Variants in NNT observed in about 807,000 individuals in gnomAD.
NNT encodes nicotinamide nucleotide transhydrogenase, also known as NAD(P) transhydrogenase, mitochondrial.
Under a neutral mutation model 104.8 loss-of-function variants are expected in NNT, and 50 were observed. The ratio of observed to expected loss-of-function variants is 0.48; its 90% CI spans 0.38 to 0.60. The LOEUF (loss-of-function observed/expected upper bound fraction) is 0.60, where lower values mean the gene tolerates loss of function less well. Ranked by LOEUF, NNT falls within the 20% of genes least tolerant of loss-of-function variation. NNT has a pLI of 0.00. For synonymous variants in NNT, 461 were observed against 490.4 expected (o/e 0.94, Z 0.79); for missense variants, 1,131 against 1,330.7 (o/e 0.85, Z 2.33).
chr5:43,659,391 C>T (rs1273977039), intron 17 of NNT, 41 bp downstream of exon 17: 2 of 1,497,876 alleles, frequency 1.3e-6, no homozygotes, highest in Admixed American at 2.0e-5. Context: ...GAAATGGCTT[C>T]CTGAAAACAT....
intron 17 of NNT, among the ~76,000 whole-genome samples, chr5:43,674,289 A>G (rs973047921): frequency 2.6e-5 from 4 of 152,008 alleles, no homozygotes; most frequent in African/African-American, 7.2e-5. Flanking sequence ...TCTTCTGTGT[A>G]CCTTTTCCTC....
chr5:43,646,105 T>C (rs1739412130), intron 10 of NNT, among the ~76,000 whole-genome samples: 1 of 152,168 alleles, frequency 6.6e-6, no homozygotes, highest in Non-Finnish European at 1.5e-5. Context: ...GACTTGGTTT[T>C]TCAGCAACAT....
intron 7 of NNT, among the ~76,000 whole-genome samples, chr5:43,640,808 CAT>C (rs1561282472): frequency 3.3e-5 from 5 of 150,426 alleles, no homozygotes; most frequent in Non-Finnish European, 7.4e-5. Flanking sequence ...ATACATTTTT[CAT>C]ATATATCATA....
At chr5:43,617,232 A>T (rs573509010) in intron 4 of NNT, among the ~76,000 whole-genome samples, 1 of 152,370 alleles carries the variant, frequency 6.6e-6, no homozygotes, top group East Asian at 1.9e-4. Flanking sequence ...TATCAAAACC[A>T]GTCGCTCTAG....
intron 10 of NNT, among the ~76,000 whole-genome samples, chr5:43,646,114 A>G (rs1440365997): frequency 1.3e-5 from 2 of 152,122 alleles, no homozygotes; most frequent in African/African-American, 4.8e-5. Context: ...TTTCAGCAAC[A>G]TGTTACTTGT....
At chr5:43,605,564 T>C (rs1728356338) in intron 1 of NNT, among the ~76,000 whole-genome samples, 2 of 151,460 alleles carry the variant, frequency 1.3e-5, no homozygotes, top group South Asian at 2.1e-4. Flanking sequence ...TGTGCTTTTT[T>C]CCCCTAATTT....
chr5:43,607,453 C>T (rs1424137106), intron 1 of NNT, among the ~76,000 whole-genome samples: 1 of 152,132 alleles, frequency 6.6e-6, no homozygotes, highest in African/African-American at 2.4e-5. Context: ...TAATTTTCCA[C>T]CACCTACCCA....
chr5:43,678,712 CCAGT>C (rs1741551985), intron 19 of NNT, among the ~76,000 whole-genome samples: 2 of 152,116 alleles, frequency 1.3e-5, no homozygotes, highest in Admixed American at 1.3e-4. Flanking sequence ...GCTGAGTTAG[CCAGT>C]CAGAGTACTT....
chr5:43,672,558 C>T (rs182881587), intron 17 of NNT, among the ~76,000 whole-genome samples: 9 of 152,268 alleles, frequency 5.9e-5, no homozygotes, highest in African/African-American at 1.9e-4. Context: ...CACTCCAGAC[C>T]GTGTTTGCCT....
At chr5:43,662,721 T>G (rs1268252657) in intron 17 of NNT, among the ~76,000 whole-genome samples, 1 of 152,030 alleles carries the variant, frequency 6.6e-6, no homozygotes, top group East Asian at 1.9e-4. Flanking sequence ...GATAAAACCC[T>G]GTCTCTACAA....
At chr5:43,611,799 C>G (rs1749511037) in intron 2 of NNT, among the ~76,000 whole-genome samples, 1 of 152,122 alleles carries the variant, frequency 6.6e-6, no homozygotes, top group Non-Finnish European at 1.5e-5. Context: ...TATATAGAAA[C>G]AGATACTCTT....
chr5:43,632,745 C>G (rs1750742664), intron 7 of NNT, among the ~76,000 whole-genome samples: 1 of 152,138 alleles, frequency 6.6e-6, no homozygotes, highest in Non-Finnish European at 1.5e-5. Flanking sequence ...GTAAGGCAGC[C>G]CTGCTGTCTG....
intron 5 of NNT, among the ~76,000 whole-genome samples, chr5:43,622,865 G>GTTT (rs36088911): frequency 3.6e-5 from 5 of 138,524 alleles, no homozygotes; most frequent in African/African-American, 1.1e-4. Flanking sequence ...TTAAATTATG[G>GTTT]TTTTTTTTTT....
chr5:43,675,723 A>G, intron 18 of NNT, 53 bp downstream of exon 18: 1 of 1,305,170 alleles, frequency 7.7e-7, no homozygotes, highest in South Asian at 2.2e-5. Context: ...ATAATTGATG[A>G]CATTAAAATT....
Position 43,644,259 on chromosome 5 carries a change from G to C in NNT, c.1032G>C (p.Val344=). The part of the protein sequence containing the change: ...IESMKEGSVV[V]DLAAEAGGNF... ...CAATGAAGGAAGGTTCAGTTGTTGT[G>C]GATTTAGCTGCTGAGGCTGGTGGAA... is the stretch of plus-strand genomic sequence containing the variant. The change falls in exon 8 of 22, where the codon GTG becomes GTC. Residue 344 remains valine (V), a synonymous_variant. Transcript: ENST00000344920. The C allele has an allele frequency of 6.2e-7, 1 of 1,613,826 alleles. No individual in the cohort carries two copies. The highest frequency in any genetic ancestry group is 8.5e-7 in the Non-Finnish European group (1 of 1,179,902).
chr5:43,638,992 C>A (rs1300844223), intron 7 of NNT, among the ~76,000 whole-genome samples: 1 of 151,970 alleles, frequency 6.6e-6, no homozygotes, highest in Non-Finnish European at 1.5e-5. Flanking sequence ...CAAAAAGATA[C>A]AATATATTAC....
intron 19 of NNT, among the ~76,000 whole-genome samples, chr5:43,680,361 TA>T (rs2112125366): frequency 6.6e-6 from 1 of 152,242 alleles, no homozygotes; most frequent in African/African-American, 2.4e-5. Context: ...AATCTGTATT[TA>T]CAGTTTGCAG....
In NNT at chr5:43,612,815, T is replaced by C. The variant is rs1444117428; in HGVS notation, c.152-93T>C. The stretch of plus-strand genomic sequence containing the variant: ...TGTGTGGTATATTTTGAAGAAAAGA[T>C]TGCTCCTTTCAATTTTCTGAAATCT... On this transcript the variant is annotated intron_variant, in intron 2 of 21. Transcript: ENST00000344920. 6.1e-6 allele frequency: 5 copies of C among 825,290 alleles called. No individual in the cohort carries two copies. In the African/African-American group the frequency reaches 8.6e-5, roughly 14 times the overall value. 51.1% of individuals were successfully genotyped at this position (825,290 alleles called of 1,614,324 possible). A position where few individuals can be genotyped will look rare whatever the true frequency, so the allele number is the denominator to read the frequency against.
intron 19 of NNT, among the ~76,000 whole-genome samples, chr5:43,682,885 T>C (rs1024346165): frequency 5.9e-5 from 9 of 152,228 alleles, no homozygotes; most frequent in African/African-American, 2.2e-4. Flanking sequence ...CCTGGTCTTA[T>C]GGAATTTACA....
Sources: gnomAD v4.1 joint callset for allele counts (sites outside exome capture counted in the v4.1 genomes callset) on GRCh38, gnomAD v4.1.1 for gene constraint, MANE v1.5 for transcripts, NCBI Gene and HGNC (gene_info 2026-07-23, HGNC 2026-07-21) for gene names.